The following AK4 variants were observed in gnomAD, a reference collection of about 807,000 sequenced individuals.
AK4 encodes adenylate kinase 4.
AK4 carries 13 observed loss-of-function variants against 24.6 expected under a neutral mutation model. The ratio of observed to expected loss-of-function variants is 0.53; its 90% CI spans 0.34 to 0.84. AK4 has a LOEUF of 0.84. Ranked by LOEUF, AK4 falls within the 40% of genes least tolerant of loss-of-function variation. The pLI, the probability that AK4 is intolerant of heterozygous loss-of-function variation, is 0.01. For synonymous variants in AK4, 88 were observed against 107.0 expected, an observed-to-expected ratio of 0.82 and a Z score of 1.10; for missense variants, 192 against 288.2, an observed-to-expected ratio of 0.67 and a Z score of 2.42.
chr1:65,176,956 T>G (rs1650737313), intron 1 of AK4, among the ~76,000 whole-genome samples: 1 of 152,240 alleles, frequency 6.6e-6, no homozygotes, highest in Non-Finnish European at 1.5e-5. Flanking sequence ...TACAAATTCT[T>G]TCATTTTTAA....
intron 1 of AK4, among the ~76,000 whole-genome samples, chr1:65,151,309 CAT>C (rs1266457833): frequency 2.0e-5 from 3 of 152,122 alleles, no homozygotes; most frequent in Admixed American, 2.0e-4. Flanking sequence ...ATGTTGCAGT[CAT>C]ATATCATGCA....
At chr1:65,165,266 G>T (rs1650291459) in intron 1 of AK4, among the ~76,000 whole-genome samples, 2 of 152,206 alleles carry the variant, frequency 1.3e-5, no homozygotes, top group Non-Finnish European at 1.5e-5. Flanking sequence ...AAAAGAGTTA[G>T]AGGGCTTTGG....
chr1:65,184,873 G>A (rs1651043685), intron 1 of AK4, among the ~76,000 whole-genome samples: 1 of 152,142 alleles, frequency 6.6e-6, no homozygotes, highest in Non-Finnish European at 1.5e-5. Context: ...GAGATATGTG[G>A]GACAAGTTTG....
intron 1 of AK4, among the ~76,000 whole-genome samples, chr1:65,180,677 CA>C: frequency 6.6e-6 from 1 of 152,158 alleles, no homozygotes; most frequent in Middle Eastern, 3.4e-3. Flanking sequence ...TTTTTTCCCC[CA>C]AAGTAGTTAT....
Position 65,218,944 on chromosome 1 carries a change from G to T in AK4, c.438+18G>T. The T allele has an allele frequency of 6.5e-7, 1 of 1,531,270 alleles. No individual in the cohort carries two copies. Among genetic ancestry groups the T allele is most frequent in the East Asian group, 2.4e-5 (1 of 41,478 alleles). 94.9% of individuals were successfully genotyped at this position (1,531,270 alleles called of 1,614,324 possible). On this transcript the variant is annotated intron_variant, in intron 3 of 4. Transcript: ENST00000327299. ...ATGTACATGTAAGAATATACAAAGT[G>T]CTTTCACAACCTGACAAGAAAAAGA...
At chr1:65,154,708 T>C (rs911398849) in intron 1 of AK4, 7 of 298,298 alleles carry the variant, frequency 2.3e-5, no homozygotes, top group Middle Eastern at 2.4e-3. Flanking sequence ...CCACGATAGT[T>C]CTTTGTACAT....
At chr1:65,194,967 C>T (rs1049498376) in intron 2 of AK4, among the ~76,000 whole-genome samples, 3 of 152,228 alleles carry the variant, frequency 2.0e-5, no homozygotes, top group Non-Finnish European at 4.4e-5. Flanking sequence ...AACAGCCCCA[C>T]TCCTTGGTAT....
chr1:65,160,176 T>C (rs993943337), intron 1 of AK4, among the ~76,000 whole-genome samples: 1 of 152,182 alleles, frequency 6.6e-6, no homozygotes, highest in Non-Finnish European at 1.5e-5. Flanking sequence ...ATAAATGCCA[T>C]GTAGGGACAG....
chr1:65,195,537 C>T (rs186508456), intron 2 of AK4, among the ~76,000 whole-genome samples: 1 of 152,286 alleles, frequency 6.6e-6, no homozygotes, highest in East Asian at 1.9e-4. Context: ...CTGTGTTAAA[C>T]TCCCCTGGAA....
intron 1 of AK4, chr1:65,165,927 G>A (rs1477215015): frequency 6.6e-6 from 1 of 152,292 alleles, no homozygotes; most frequent in Non-Finnish European, 1.5e-5. Flanking sequence ...TTAACACAAG[G>A]AGGGCAGTCC....
At chr1:65,183,664 TGTG>T (rs1343262303) in intron 1 of AK4, among the ~76,000 whole-genome samples, 2 of 150,942 alleles carry the variant, frequency 1.3e-5, no homozygotes, top group Non-Finnish European at 3.0e-5. Flanking sequence ...TGTGTGTGTG[TGTG>T]TGTGTGTGTG....
chr1:65,204,447 C>T (rs1267529888), intron 2 of AK4, among the ~76,000 whole-genome samples: 12 of 152,114 alleles, frequency 7.9e-5, no homozygotes, highest in Admixed American at 2.0e-4. Flanking sequence ...GTGACCCACC[C>T]GCTTTGGCCT....
rs529638899 is a variant in AK4 at position 65,218,928 on chromosome 1, T to G, written c.438+2T>G. On this transcript the variant is annotated splice_donor_variant, in intron 3 of 4. Coordinates refer to ENST00000327299, the MANE Select transcript of AK4 (RefSeq NM_013410.4). LOFTEE classifies it high-confidence loss of function. The stretch of plus-strand genomic sequence containing the variant: ...GACTTCAATCCACCTCATGTACATG[T>G]AAGAATATACAAAGTGCTTTCACAA... The G allele has an allele frequency of 6.4e-7, 1 of 1,564,604 alleles. No individual in the cohort carries two copies. The highest frequency in any genetic ancestry group is 2.0e-5 in the Admixed American group (1 of 49,542).
rs1651733864 is a variant in AK4 at position 65,203,745 on chromosome 1, C to T, written c.265+12916C>T. On this transcript the variant is annotated intron_variant, in intron 2 of 4. Coordinates refer to ENST00000327299, the MANE Select transcript of AK4 (RefSeq NM_013410.4). ...GCTTGAACCTGGGAGGCGGAGGTTG[C>T]AGTGAGCTGAGACCGTGCCATTGCA... 4.6e-5 allele frequency among the ~76,000 whole-genome samples: 7 copies of T among 151,976 alleles called. No homozygotes were observed. In the South Asian group the frequency reaches 1.5e-3, roughly 32 times the overall value.
chr1:65,214,412 C>G (rs1652061444), intron 2 of AK4, among the ~76,000 whole-genome samples: 1 of 152,058 alleles, frequency 6.6e-6, no homozygotes, highest in Non-Finnish European at 1.5e-5. Flanking sequence ...TGCCCGGCCC[C>G]TTGTTTCATA....
Position 65,202,866 on chromosome 1 carries a change from CTTTTTTTT to C in AK4, c.265+12053_265+12060del, listed in dbSNP as rs34143736. On this transcript the variant is annotated intron_variant, in intron 2 of 4. Coordinates refer to ENST00000327299, the MANE Select transcript of AK4 (RefSeq NM_013410.4). ...TGTAACTTACAAGCTGCTGTGTAGT[CTTTTTTTT>C]TTTTTTTTTTTTTTTAAGATGGGGT... 9.8e-5 allele frequency among the ~76,000 whole-genome samples: 9 copies of C among 91,820 alleles called. No individual in the cohort carries two copies. In the East Asian group the frequency reaches 3.8e-3, roughly 39 times the overall value. 60.2% of individuals were successfully genotyped at this position (91,820 alleles called of 152,430 possible).
chr1:65,208,740 G>A (rs1271692148), intron 2 of AK4, among the ~76,000 whole-genome samples: 1 of 152,156 alleles, frequency 6.6e-6, no homozygotes, highest in Non-Finnish European at 1.5e-5. Flanking sequence ...GGAACGTGGT[G>A]GTGGACTCTG....
rs1295210733 is a variant in AK4 at position 65,218,919 on chromosome 1, A to G, written c.431A>G (p.His144Arg). The change falls in exon 3 of 5, where the codon CAT becomes CGT. Residue 144 changes from histidine (H) to arginine (R), a missense_variant. By Grantham distance (29) the His-to-Arg change is conservative (BLOSUM62 0). Transcript: ENST00000327299. ...TATAACCTGGACTTCAATCCACCTC[A>G]TGTACATGTAAGAATATACAAAGTG... is the stretch of plus-strand genomic sequence containing the variant. ...RVYNLDFNPPHVHGIDDVTGE... is the reference protein window; with the variant it reads ...RVYNLDFNPPRVHGIDDVTGE... 5 of 1,578,408 alleles carry G rather than the reference A, an allele frequency of 3.2e-6. No individual in the cohort carries two copies. Among genetic ancestry groups the G allele is most frequent in the Non-Finnish European group, 3.4e-6 (4 of 1,165,944 alleles).
chr1:65,182,613 A>G (rs1557449962), intron 1 of AK4, among the ~76,000 whole-genome samples: 1 of 152,092 alleles, frequency 6.6e-6, no homozygotes, highest in Admixed American at 6.6e-5. Flanking sequence ...CTTTCATTCC[A>G]GTTGATGGAT....
Sources: gnomAD v4.1 joint callset for allele counts (sites outside exome capture counted in the v4.1 genomes callset) on GRCh38, gnomAD v4.1.1 for gene constraint, MANE v1.5 for transcripts, NCBI Gene and HGNC (gene_info 2026-07-23, HGNC 2026-07-21) for gene names.